ACOXL: variants seen among roughly 807,000 people sequenced by gnomAD.
ACOXL encodes acyl-coenzyme A oxidase-like protein.
Under a neutral mutation model 71.9 loss-of-function variants are expected in ACOXL, and 70 were observed. The ratio of observed to expected loss-of-function variants is 0.97; its 90% confidence interval spans 0.80 to 1.19. ACOXL has a LOEUF of 1.19. ACOXL is among the 50% of genes most tolerant of loss of function. The pLI is 0.00. For missense variants in ACOXL, 703 were observed against 736.3 expected, an observed-to-expected ratio of 0.95 and a Z score of 0.52; for synonymous variants, 253 against 281.6, an observed-to-expected ratio of 0.90 and a Z score of 1.02.
intron 15 of ACOXL, among the ~76,000 whole-genome samples, chr2:111,046,852 G>A (rs2066039964): frequency 6.6e-6 from 1 of 151,776 alleles, no homozygotes; most frequent in Non-Finnish European, 1.5e-5. Flanking sequence ...GGAGCCATCA[G>A]GGTGGTTTGC....
intron 1 of ACOXL, among the ~76,000 whole-genome samples, chr2:110,767,972 A>G (rs1225332597): frequency 1.4e-5 from 2 of 145,134 alleles, no homozygotes; most frequent in Non-Finnish European, 3.0e-5. Context: ...ACACACACAC[A>G]CACACACAAA....
At chr2:110,946,140 G>A (rs1269815608) in intron 12 of ACOXL, among the ~76,000 whole-genome samples, 1 of 152,100 alleles carries the variant, frequency 6.6e-6, no homozygotes, top group African/African-American at 2.4e-5. Context: ...TATTCTTTTT[G>A]TGGCAATTGT....
chr2:111,113,941 A>G (rs2070161594), intron 17 of ACOXL, among the ~76,000 whole-genome samples: 1 of 152,224 alleles, frequency 6.6e-6, no homozygotes, highest in East Asian at 1.9e-4. Flanking sequence ...ATATCTAACA[A>G]TCCCTTAGAA....
At chr2:110,902,330 C>T (rs1052781787) in intron 10 of ACOXL, among the ~76,000 whole-genome samples, 4 of 151,626 alleles carry the variant, frequency 2.6e-5, no homozygotes, top group East Asian at 2.0e-4. Context: ...ATTAGTCAGG[C>T]GTGGTGGTGC....
intron 10 of ACOXL, among the ~76,000 whole-genome samples, chr2:110,876,312 C>T (rs1573947023): frequency 6.6e-6 from 1 of 152,322 alleles, no homozygotes; most frequent in Non-Finnish European, 1.5e-5. Context: ...GGTGGGCCAG[C>T]CACGGTGCCA....
At chr2:110,997,698 G>A (rs2063458438) in intron 14 of ACOXL, among the ~76,000 whole-genome samples, 1 of 152,090 alleles carries the variant, frequency 6.6e-6, no homozygotes, top group South Asian at 2.1e-4. Flanking sequence ...CTAAAATAAG[G>A]AAGTCAAGAT....
At chr2:110,860,747 G>A (rs1693845992) in intron 10 of ACOXL, among the ~76,000 whole-genome samples, 1 of 152,164 alleles carries the variant, frequency 6.6e-6, no homozygotes, top group Non-Finnish European at 1.5e-5. Context: ...AGAGAGACTC[G>A]AGTTCATGTC....
intron 16 of ACOXL, among the ~76,000 whole-genome samples, chr2:111,073,744 T>C (rs2067457343): frequency 6.6e-6 from 1 of 152,226 alleles, no homozygotes; most frequent in African/African-American, 2.4e-5. Flanking sequence ...GATTCTAGTT[T>C]CTTTTCTTTT....
chr2:110,957,616 T>C (rs1164527478), intron 12 of ACOXL, among the ~76,000 whole-genome samples: 1 of 152,210 alleles, frequency 6.6e-6, no homozygotes, highest in East Asian at 1.9e-4. Context: ...TGTGTGTCTG[T>C]GTCCTGATAT....
intron 14 of ACOXL, among the ~76,000 whole-genome samples, chr2:110,996,303 G>A (rs963562471): frequency 2.6e-5 from 4 of 152,134 alleles, no homozygotes; most frequent in African/African-American, 9.7e-5. Flanking sequence ...AAAAATCATT[G>A]TTTTATGTGT....
chr2:110,863,779 G>T (rs908363019), intron 10 of ACOXL, among the ~76,000 whole-genome samples: 1 of 152,076 alleles, frequency 6.6e-6, no homozygotes, highest in Non-Finnish European at 1.5e-5. Context: ...TGGGGGGAGG[G>T]TGCATATATT....
intron 14 of ACOXL, among the ~76,000 whole-genome samples, chr2:111,002,164 C>G (rs1035027205): frequency 6.6e-6 from 1 of 152,172 alleles, no homozygotes; most frequent in Non-Finnish European, 1.5e-5. Flanking sequence ...GACAGACAGC[C>G]AGCAACTGGA....
intron 10 of ACOXL, among the ~76,000 whole-genome samples, chr2:110,847,340 T>C (rs1692036859): frequency 6.6e-6 from 1 of 152,200 alleles, no homozygotes; most frequent in African/African-American, 2.4e-5. Context: ...ATCACCCCTT[T>C]GGCTCTCACT....
chr2:110,751,871 A>G (rs1461099188), intron 1 of ACOXL, among the ~76,000 whole-genome samples: 1 of 152,244 alleles, frequency 6.6e-6, no homozygotes, highest in Non-Finnish European at 1.5e-5. Flanking sequence ...TATTAATTCA[A>G]TTTAATCTTG....
At chr2:110,939,823 T>C (rs1219195710) in intron 12 of ACOXL, among the ~76,000 whole-genome samples, 4 of 152,214 alleles carry the variant, frequency 2.6e-5, no homozygotes, top group Non-Finnish European at 5.9e-5. Flanking sequence ...CATTAGTGTT[T>C]GCGTGTTTTA....
chr2:111,065,506 A>G (rs983506251), intron 16 of ACOXL, among the ~76,000 whole-genome samples: 2 of 152,208 alleles, frequency 1.3e-5, no homozygotes, highest in East Asian at 1.9e-4. Context: ...TAAAAGGAAA[A>G]ACTGATAAAC....
intron 1 of ACOXL, among the ~76,000 whole-genome samples, chr2:110,739,589 C>T (rs1006123743): frequency 3.3e-5 from 5 of 152,224 alleles, no homozygotes; most frequent in African/African-American, 1.2e-4. Flanking sequence ...GAGGGGTCTC[C>T]TACTGGCTCC....
At chr2:110,859,299 A>G (rs1279800294) in intron 10 of ACOXL, among the ~76,000 whole-genome samples, 2 of 152,150 alleles carry the variant, frequency 1.3e-5, no homozygotes, top group African/African-American at 4.8e-5. Context: ...GTAGCTTTCT[A>G]GAGTGTGCGA....
At chr2:110,758,427 A>G (rs1679976918) in intron 1 of ACOXL, among the ~76,000 whole-genome samples, 1 of 152,164 alleles carries the variant, frequency 6.6e-6, no homozygotes, top group Non-Finnish European at 1.5e-5. Context: ...AATTCTGTGA[A>G]GAATGTCAAT....
Sources: gnomAD v4.1 joint callset for allele counts (sites outside exome capture counted in the v4.1 genomes callset) on GRCh38, gnomAD v4.1.1 for gene constraint, MANE v1.5 for transcripts, NCBI Gene and HGNC (gene_info 2026-07-23, HGNC 2026-07-21) for gene names.